Variants in ADARB2 observed in about 807,000 individuals in gnomAD.
ADARB2 encodes the protein inactive double-stranded RNA-specific editase B2.
A neutral mutation model predicts 62.2 loss-of-function variants in ADARB2; 25 were observed. That is an observed-to-expected ratio of 0.40 (90% CI 0.29 to 0.56). The LOEUF (loss-of-function observed/expected upper bound fraction) is 0.56. Among genes scored for constraint, ADARB2 ranks in the 20% least tolerant of loss-of-function variants. ADARB2 has a pLI of 0.43. For missense variants in ADARB2, 1,071 were observed against 1,077.4 expected, an observed-to-expected ratio of 0.99 and a Z score of 0.08; for synonymous variants, 572 against 500.8, an observed-to-expected ratio of 1.14 and a Z score of -1.90.
intron 1 of ADARB2, among the ~76,000 whole-genome samples, chr10:1,475,517 G>C (rs912923853): frequency 3.3e-5 from 5 of 152,214 alleles, no homozygotes; most frequent in African/African-American, 1.2e-4. Context: ...TGCGGACAGG[G>C]AAATCCTTGA....
intron 1 of ADARB2, among the ~76,000 whole-genome samples, chr10:1,407,071 C>T (rs746290319): frequency 1.3e-5 from 2 of 152,232 alleles, no homozygotes; most frequent in Non-Finnish European, 2.9e-5. Flanking sequence ...CTTATTTTTA[C>T]GACCTTGCAT....
Position 1,322,685 on chromosome 10 carries a change from ATTATC to A in ADARB2, c.1077+40338_1077+40342del, listed in dbSNP as rs566722429. Among the ~76,000 whole-genome samples the A allele has an allele frequency of 2.2e-4, 34 of 152,316 alleles. No individual in the cohort carries two copies. In the South Asian group the frequency reaches 4.8e-3, roughly 21 times the overall value. On this transcript the variant is annotated intron_variant, in intron 3 of 9. Transcript: ENST00000381312. ...GGCACATCACCCACTGTAATACAAT[ATTATC>A]TTCTATGTCCAGAAGAATGGAAAGT... is the stretch of plus-strand genomic sequence containing the variant.
intron 4 of ADARB2, among the ~76,000 whole-genome samples, chr10:1,247,606 G>A (rs1830998591): frequency 1.3e-5 from 2 of 152,210 alleles, no homozygotes; most frequent in Non-Finnish European, 2.9e-5. Context: ...GGGTGATGAG[G>A]CATCAGGCAG....
At chr10:1,382,000 T>G (rs1322671285) in intron 1 of ADARB2, among the ~76,000 whole-genome samples, 1 of 152,216 alleles carries the variant, frequency 6.6e-6, no homozygotes, top group Non-Finnish European at 1.5e-5. Flanking sequence ...TTAAGCATCC[T>G]CATCCCCCAC....
intron 1 of ADARB2, among the ~76,000 whole-genome samples, chr10:1,584,732 T>A (rs1479230648): frequency 6.6e-6 from 1 of 152,160 alleles, no homozygotes; most frequent in African/African-American, 2.4e-5. Flanking sequence ...CTGTGGTTCA[T>A]CCAGATCATG....
intron 7 of ADARB2, 161 bp from the exon 8 acceptor site, chr10:1,200,308 C>G: frequency 1.2e-6 from 1 of 844,992 alleles, no homozygotes; most frequent in South Asian, 1.4e-5. Flanking sequence ...CCAGCCATCA[C>G]TGGGGCTCTG....
chr10:1,328,694 C>T (rs1250437492), intron 3 of ADARB2, among the ~76,000 whole-genome samples: 1 of 152,038 alleles, frequency 6.6e-6, no homozygotes, highest in East Asian at 1.9e-4. Context: ...TTTTGCTTAC[C>T]AAGAAGCAGT....
chr10:1,556,819 A>C, intron 1 of ADARB2: 1 of 534,518 alleles, frequency 1.9e-6, no homozygotes. Flanking sequence ...CATATGCTGC[A>C]GACACTTGCT....
chr10:1,368,872 G>GTCCTGTGA (rs60061831), intron 2 of ADARB2, among the ~76,000 whole-genome samples: 9 of 125,858 alleles, frequency 7.2e-5, no homozygotes, highest in Admixed American at 1.5e-4. Context: ...TCGCCCTGTG[G>GTCCTGTGA]CAGTCGTGGG....
At chr10:1,370,285 C>CCG (rs1832357147) in intron 2 of ADARB2, among the ~76,000 whole-genome samples, 2 of 151,996 alleles carry the variant, frequency 1.3e-5, no homozygotes, top group Non-Finnish European at 2.9e-5. Flanking sequence ...ACAAACTAGG[C>CCG]ATTGTAGACA....
At chr10:1,435,486 G>A (rs889952672) in intron 1 of ADARB2, among the ~76,000 whole-genome samples, 2 of 152,182 alleles carry the variant, frequency 1.3e-5, no homozygotes, top group Non-Finnish European at 2.9e-5. Flanking sequence ...TTCTGCGCAA[G>A]GACCATTAAC....
intron 1 of ADARB2, among the ~76,000 whole-genome samples, chr10:1,528,385 G>GAC (rs1380379133): frequency 1.3e-5 from 2 of 152,182 alleles, no homozygotes; most frequent in Non-Finnish European, 2.9e-5. Context: ...TAACTGATCT[G>GAC]ACAGTGCACG....
chr10:1,682,502 C>G (rs183626351), intron 1 of ADARB2, among the ~76,000 whole-genome samples: 3 of 152,344 alleles, frequency 2.0e-5, no homozygotes, highest in Admixed American at 1.3e-4. Context: ...GAAAGGACCA[C>G]GGGTATTGGG....
At chr10:1,283,861 A>C (rs1206147188) in intron 3 of ADARB2, among the ~76,000 whole-genome samples, 1 of 152,246 alleles carries the variant, frequency 6.6e-6, no homozygotes, top group Admixed American at 6.5e-5. Flanking sequence ...GATTCCTTCA[A>C]AGCCCAGAAA....
At chr10:1,227,492 C>T (rs1281583010) in intron 6 of ADARB2, among the ~76,000 whole-genome samples, 2 of 152,228 alleles carry the variant, frequency 1.3e-5, no homozygotes, top group Non-Finnish European at 2.9e-5. Flanking sequence ...CTGTCTTCTG[C>T]GTCGCTCACG....
At chr10:1,736,100 C>T (rs1367628719) in intron 1 of ADARB2, among the ~76,000 whole-genome samples, 1 of 152,168 alleles carries the variant, frequency 6.6e-6, no homozygotes, top group African/African-American at 2.4e-5. Context: ...AAAATCAGCA[C>T]ATTTCAAATC....
chr10:1,425,165 A>G (rs2131887022), intron 1 of ADARB2, among the ~76,000 whole-genome samples: 1 of 152,288 alleles, frequency 6.6e-6, no homozygotes, highest in Non-Finnish European at 1.5e-5. Context: ...GGTCAAAGGT[A>G]ACAAGCATTA....
intron 1 of ADARB2, among the ~76,000 whole-genome samples, chr10:1,734,816 T>C (rs1279585809): frequency 6.6e-6 from 1 of 152,222 alleles, no homozygotes; most frequent in Non-Finnish European, 1.5e-5. Context: ...AAGCTTAAAA[T>C]TGAGGTTATT....
intron 1 of ADARB2, among the ~76,000 whole-genome samples, chr10:1,729,228 GTATTGTTTTTTAATAAAACA>G (rs1461834175): frequency 6.6e-6 from 1 of 152,146 alleles, no homozygotes; most frequent in African/African-American, 2.4e-5. Flanking sequence ...ATAGTAAAAG[GTATTGTTTTTTAATAAAACA>G]AATCATTTGT....
Sources: allele counts gnomAD v4.1 joint callset (sites outside exome capture counted in the v4.1 genomes callset), GRCh38; gene constraint gnomAD v4.1.1; transcripts MANE v1.5; gene names NCBI Gene and HGNC (gene_info 2026-07-23, HGNC 2026-07-21).